HPSE2: variants seen among roughly 807,000 people sequenced by gnomAD.
HPSE2 encodes inactive heparanase-2.
In HPSE2, 38 loss-of-function variants were observed where a neutral mutation model predicts 60.5. The observed-to-expected ratio is 0.63, with a 90% CI of 0.48 to 0.82. The LOEUF (loss-of-function observed/expected upper bound fraction) is 0.82. HPSE2 is among the 40% of genes least tolerant of loss of function. The pLI, the probability that HPSE2 is intolerant of heterozygous loss-of-function variation, is 0.00. For missense variants in HPSE2, 713 were observed against 740.4 expected, an observed-to-expected ratio of 0.96 and a Z score of 0.43; for synonymous variants, 295 against 293.2, an observed-to-expected ratio of 1.01 and a Z score of -0.06.
At chr10:98,953,670 C>A (rs1259605414) in intron 3 of HPSE2, among the ~76,000 whole-genome samples, 3 of 151,972 alleles carry the variant, frequency 2.0e-5, no homozygotes, top group Non-Finnish European at 4.4e-5. Context: ...TTGTATGCTA[C>A]GTGGCAACTA....
intron 3 of HPSE2, among the ~76,000 whole-genome samples, chr10:98,985,559 A>C (rs527787423): frequency 6.6e-6 from 1 of 152,154 alleles, no homozygotes; most frequent in Non-Finnish European, 1.5e-5. Flanking sequence ...AAAGACCATC[A>C]AGGCTAGGAA....
At position 98,744,041 on chromosome 10, in the gene HPSE2, T is replaced by G; in HGVS notation, c.626A>C (p.Lys209Thr). 6.2e-7 allele frequency: 1 copy of G among 1,614,108 alleles called. No homozygotes were observed. The highest frequency in any genetic ancestry group is 1.1e-5 in the South Asian group (1 of 91,076). The change falls in exon 4 of 12, where the codon AAA becomes ACA. Residue 209 changes from lysine to threonine, a missense_variant. By Grantham distance (78) the Lys-to-Thr change is moderately conservative. Transcript: ENST00000370552. ...AGAGCAATCAGCAAAGTTATAAAGTTTGTCTAGAGACCTGGCTGGGAAGAA... is the reference window on the plus strand; with the variant it reads ...AGAGCAATCAGCAAAGTTATAAAGTGTGTCTAGAGACCTGGCTGGGAAGAA... Reference protein sequence around the residue: ...NLILTARSLDKLYNFADCSGL... With the variant: ...NLILTARSLDTLYNFADCSGL...
intron 3 of HPSE2, among the ~76,000 whole-genome samples, chr10:99,014,561 A>AC (rs1564737850): frequency 6.6e-6 from 1 of 151,906 alleles, no homozygotes; most frequent in Non-Finnish European, 1.5e-5. Flanking sequence ...AACTATTTAC[A>AC]CCCCCACAAA....
intron 3 of HPSE2, among the ~76,000 whole-genome samples, chr10:98,956,014 T>C (rs897068709): frequency 1.3e-5 from 2 of 152,036 alleles, no homozygotes; most frequent in African/African-American, 4.8e-5. Context: ...GCTTATTACC[T>C]AGGCAATGGG....
chr10:99,135,434 C>G (rs1253672703), intron 3 of HPSE2, among the ~76,000 whole-genome samples: 3 of 152,172 alleles, frequency 2.0e-5, no homozygotes, highest in Non-Finnish European at 4.4e-5. Flanking sequence ...CACACTTATT[C>G]TAAAATTGAC....
At chr10:98,819,134 G>C (rs930569418) in intron 3 of HPSE2, among the ~76,000 whole-genome samples, 1 of 152,146 alleles carries the variant, frequency 6.6e-6, no homozygotes, top group East Asian at 1.9e-4. Flanking sequence ...CCTTTAATAG[G>C]CCACCCTCTA....
intron 3 of HPSE2, among the ~76,000 whole-genome samples, chr10:99,118,668 C>CA (rs1411531230): frequency 1.3e-5 from 2 of 152,116 alleles, no homozygotes; most frequent in East Asian, 3.9e-4. Context: ...CTCACCACTC[C>CA]ATTCAATATA....
chr10:98,719,715 A>AG (rs1589701324), intron 5 of HPSE2, among the ~76,000 whole-genome samples: 2 of 150,100 alleles, frequency 1.3e-5, no homozygotes, highest in African/African-American at 4.9e-5. Flanking sequence ...AAAAAAAAAA[A>AG]AAAAAGAAGA....
chr10:99,281,130 T>A, the HPSE2 span, among the ~76,000 whole-genome samples: 2 of 67,944 alleles, frequency 2.9e-5, no homozygotes, highest in Admixed American at 1.3e-4. Flanking sequence ...CCATAGATGC[T>A]GTACATTGTG....
chr10:99,075,938 TAC>T (rs1364555867), intron 3 of HPSE2, among the ~76,000 whole-genome samples: 2 of 152,146 alleles, frequency 1.3e-5, no homozygotes, highest in Admixed American at 1.3e-4. Flanking sequence ...TTATAGACAA[TAC>T]ATATAGTTGG....
chr10:98,626,893 C>G (rs1238199551), intron 7 of HPSE2, among the ~76,000 whole-genome samples: 1 of 152,090 alleles, frequency 6.6e-6, no homozygotes, highest in Non-Finnish European at 1.5e-5. Context: ...CCTGCTTCAG[C>G]CTCCTGAGTA....
At chr10:98,588,204 A>G (rs1944989054) in intron 9 of HPSE2, among the ~76,000 whole-genome samples, 1 of 152,222 alleles carries the variant, frequency 6.6e-6, no homozygotes, top group Admixed American at 6.5e-5. Context: ...TGGAGGTCTG[A>G]CATAATATTT....
At chr10:98,877,259 G>C (rs1952902701) in intron 3 of HPSE2, among the ~76,000 whole-genome samples, 1 of 151,748 alleles carries the variant, frequency 6.6e-6, no homozygotes, top group African/African-American at 2.4e-5. Flanking sequence ...GTTCTTAAGG[G>C]AATATATGCT....
chr10:98,459,475 G>A lies in HPSE2; in HGVS notation c.*99C>T, dbSNP rs1387441375. 1.6e-6 allele frequency: 2 copies of A among 1,260,928 alleles called. No individual in the cohort carries two copies. The highest frequency in any genetic ancestry group is 2.3e-6 in the Non-Finnish European group (2 of 860,076). The allele number at this position is 1,260,928 out of a possible 1,614,324, so 78.1% of individuals were successfully genotyped here. ...GATTCCAGCAGGATGGGGCAGCAGG[G>A]GCTGGTTGCTAGGATGTCTGAAAAC... is the stretch of plus-strand genomic sequence containing the variant. On this transcript the variant is annotated 3_prime_UTR_variant, in exon 12 of 12. Transcript: ENST00000370552.
intron 3 of HPSE2, among the ~76,000 whole-genome samples, chr10:98,877,349 C>T (rs1419755839): frequency 6.6e-6 from 1 of 151,788 alleles, no homozygotes; most frequent in East Asian, 1.9e-4. Context: ...CATCTATAAT[C>T]TTACTTGGAA....
chr10:99,224,691 T>C (rs2902262), intron 2 of HPSE2, among the ~76,000 whole-genome samples: 74,998 of 151,898 alleles, frequency 0.49, 21,696 homozygotes, highest in Non-Finnish European at 0.64. Flanking sequence ...TCAGTAGGGA[T>C]TGCGAGACCA....
intron 6 of HPSE2, among the ~76,000 whole-genome samples, chr10:98,657,789 T>C (rs1005450244): frequency 6.6e-6 from 1 of 152,242 alleles, no homozygotes; most frequent in Non-Finnish European, 1.5e-5. Context: ...TTTAGTCTGC[T>C]GTAAATAGAT....
chr10:98,848,343 G>A (rs1952081965), intron 3 of HPSE2, among the ~76,000 whole-genome samples: 1 of 151,966 alleles, frequency 6.6e-6, no homozygotes, highest in East Asian at 1.9e-4. Context: ...GCTTGAACCT[G>A]GGAGGCAGAG....
chr10:98,561,857 CAA>C (rs1564969634), intron 9 of HPSE2, among the ~76,000 whole-genome samples: 1 of 151,554 alleles, frequency 6.6e-6, no homozygotes, highest in South Asian at 2.1e-4. Flanking sequence ...CAAAAACAAA[CAA>C]ACAAACAAAC....
Sources: gnomAD v4.1 joint callset for allele counts (sites outside exome capture counted in the v4.1 genomes callset) on GRCh38, gnomAD v4.1.1 for gene constraint, MANE v1.5 for transcripts, NCBI Gene and HGNC (gene_info 2026-07-23, HGNC 2026-07-21) for gene names.